The following ANXA8 variants were observed in gnomAD, a reference collection of about 807,000 sequenced individuals.
ANXA8 encodes VAC-beta.
A neutral mutation model predicts 26.8 loss-of-function variants in ANXA8; 9 were observed. The ratio of observed to expected loss-of-function variants is 0.34; its 90% confidence interval spans 0.20 to 0.59. The LOEUF is 0.59. Among genes scored for constraint, ANXA8 ranks in the 20% least tolerant of loss-of-function variants. The probability of loss-of-function intolerance (pLI) is 0.84; values close to 1 mark genes in which losing one functional copy is unlikely to be tolerated. For missense variants in ANXA8, 83 were observed against 238.5 expected (o/e 0.35, Z 4.29); for synonymous variants, 39 against 94.8 (o/e 0.41, Z 3.42).
chr10:47,581,617 T>A, the ANXA8 span: 1 of 442,592 alleles, frequency 2.3e-6, no homozygotes, highest in Non-Finnish European at 4.4e-6. Context: ...TCATTTCTTT[T>A]TTTTTTTGAG....
Position 47,483,970 on chromosome 10 carries a change from A to G in ANXA8, c.-37T>C. ...CGGGGGCACCTTTCCCAGGGAGATG[A>G]AGAGACACAGGTTGGCCTCTGCTGG... is the stretch of plus-strand genomic sequence containing the variant. On this transcript the variant is annotated 5_prime_UTR_variant, in exon 1 of 12. Transcript: ENST00000585281. The G allele has an allele frequency of 6.2e-7, 1 of 1,611,690 alleles. No homozygotes were observed. The highest frequency in any genetic ancestry group is 8.5e-7 in the Non-Finnish European group (1 of 1,179,858).
At chr10:47,559,299 G>A in the ANXA8 span, among the ~76,000 whole-genome samples, 1 of 151,200 alleles carries the variant, frequency 6.6e-6, no homozygotes, top group African/African-American at 2.4e-5. Context: ...GCTAATTTTT[G>A]TATTCTTAGT....
the ANXA8 span, among the ~76,000 whole-genome samples, chr10:47,980,936 T>G: frequency 6.6e-6 from 1 of 151,526 alleles, no homozygotes; most frequent in Non-Finnish European, 1.5e-5. Flanking sequence ...TTTCCAAAAA[T>G]AGAAGAAACA....
At chr10:47,977,739 A>G in the ANXA8 span, among the ~76,000 whole-genome samples, 8 of 151,742 alleles carry the variant, frequency 5.3e-5, no homozygotes, top group African/African-American at 1.9e-4. Context: ...AAGATTCAGT[A>G]AGTTGAATAT....
chr10:47,944,274 G>A, the ANXA8 span, among the ~76,000 whole-genome samples: 2 of 147,248 alleles, frequency 1.4e-5, no homozygotes, highest in Non-Finnish European at 3.0e-5. Flanking sequence ...GCACAACCCA[G>A]CCTCCTAATA....
At chr10:47,947,536 G>C in the ANXA8 span, among the ~76,000 whole-genome samples, 1 of 150,328 alleles carries the variant, frequency 6.7e-6, no homozygotes, top group African/African-American at 2.5e-5. Context: ...AGTGTTGGAG[G>C]AGAGGCCTGG....
the ANXA8 span, among the ~76,000 whole-genome samples, chr10:47,899,597 C>T: frequency 2.0e-5 from 1 of 49,952 alleles, no homozygotes; most frequent in East Asian, 2.8e-4. Flanking sequence ...GCAAGCTCCG[C>T]CTCCTGGGTT....
the ANXA8 span, among the ~76,000 whole-genome samples, chr10:47,644,527 T>C: frequency 3.9e-5 from 6 of 152,080 alleles, no homozygotes; most frequent in South Asian, 4.1e-4. Flanking sequence ...AGGCCATAAT[T>C]TGCCAACCCT....
chr10:47,644,652 T>C, the ANXA8 span, among the ~76,000 whole-genome samples: 8 of 151,996 alleles, frequency 5.3e-5, 1 homozygote, highest in Admixed American at 3.3e-4. Flanking sequence ...TTGTTAAATA[T>C]GTAATATTTA....
chr10:47,937,601 A>T, the ANXA8 span, among the ~76,000 whole-genome samples: 1 of 135,418 alleles, frequency 7.4e-6, no homozygotes, highest in Non-Finnish European at 1.6e-5. Context: ...TATTTTTCTG[A>T]TCCTCTCCCT....
At chr10:47,521,698 CAA>C in the ANXA8 span, among the ~76,000 whole-genome samples, 1 of 150,088 alleles carries the variant, frequency 6.7e-6, no homozygotes, top group Non-Finnish European at 1.5e-5. Context: ...ATTTTAGAGG[CAA>C]ACCAACTAAT....
chr10:47,671,073 C>T, the ANXA8 span, among the ~76,000 whole-genome samples: 374 of 151,920 alleles, frequency 2.5e-3, 1 homozygote, highest in African/African-American at 8.6e-3. Context: ...ACACCAATAA[C>T]CACAGTCAAA....
At chr10:47,660,451 A>C in the ANXA8 span, among the ~76,000 whole-genome samples, 1 of 151,154 alleles carries the variant, frequency 6.6e-6, no homozygotes, top group Non-Finnish European at 1.5e-5. Flanking sequence ...GCCAGACTGG[A>C]GTGCAGTGGT....
chr10:47,560,712 C>T, the ANXA8 span, among the ~76,000 whole-genome samples: 100 of 152,092 alleles, frequency 6.6e-4, 1 homozygote, highest in Non-Finnish European at 7.6e-4. Context: ...GTCACCTGGG[C>T]ACAGCGCCTG....
the ANXA8 span, among the ~76,000 whole-genome samples, chr10:47,704,108 A>G: frequency 1.4e-5 from 2 of 141,398 alleles, no homozygotes; most frequent in African/African-American, 2.5e-5. Flanking sequence ...GAAAAAGCAT[A>G]TTAATAGGAG....
the ANXA8 span, among the ~76,000 whole-genome samples, chr10:47,952,265 C>A: frequency 2.0e-5 from 3 of 151,594 alleles, no homozygotes; most frequent in Non-Finnish European, 2.9e-5. Flanking sequence ...TACCAAAAGT[C>A]CTAGGTGGTG....
At chr10:47,768,207 A>G in the ANXA8 span, among the ~76,000 whole-genome samples, 2 of 151,482 alleles carry the variant, frequency 1.3e-5, no homozygotes, top group African/African-American at 2.4e-5. Flanking sequence ...GCAAACAACA[A>G]TTAATTTACT....
the ANXA8 span, among the ~76,000 whole-genome samples, chr10:47,705,915 A>AC: frequency 6.9e-6 from 1 of 145,498 alleles, no homozygotes; most frequent in East Asian, 2.1e-4. Context: ...GCCCCGACGC[A>AC]CCCCCCGCGT....
chr10:47,517,192 A>ATAG, the ANXA8 span, among the ~76,000 whole-genome samples: 1 of 97,550 alleles, frequency 1.0e-5, no homozygotes, highest in Admixed American at 1.1e-4. Context: ...TAGAAAGTCA[A>ATAG]TAGACAGTGC....
Sources: gnomAD v4.1 joint callset for allele counts (sites outside exome capture counted in the v4.1 genomes callset) on GRCh38, gnomAD v4.1.1 for gene constraint, MANE v1.5 for transcripts, NCBI Gene and HGNC (gene_info 2026-07-23, HGNC 2026-07-21) for gene names.